ZNF653: variants seen among roughly 807,000 people sequenced by gnomAD.
ZNF653 encodes zinc finger protein 653.
A neutral mutation model predicts 59.9 loss-of-function variants in ZNF653; 37 were observed. The observed-to-expected ratio is 0.62, with a 90% CI of 0.48 to 0.81. ZNF653 has a LOEUF of 0.81. ZNF653 is among the 40% of genes least tolerant of loss of function. The probability of loss-of-function intolerance (pLI) is 0.00; values close to 1 mark genes in which losing one functional copy is unlikely to be tolerated. For synonymous variants in ZNF653, 435 were observed against 371.8 expected (o/e 1.17, Z -1.96); for missense variants, 808 against 881.1 (o/e 0.92, Z 1.05).
In ZNF653 at chr19:11,496,131, C is replaced by G. The variant is rs150131387; in HGVS notation, c.378G>C (p.Val126=). The change falls in exon 3 of 9, where the codon GTG becomes GTC. Residue 126 remains valine (V), a synonymous_variant. Coordinates refer to ENST00000293771, the MANE Select transcript of ZNF653 (RefSeq NM_138783.4). ...RRRNVNCLKN[V]VIWYEDHKHR... ...GCTTGTGGTCCTCGTACCAGATCAC[C>G]ACGTTCTTCAGGCAGTTCACGTTGC... 1.1e-4 allele frequency: 174 copies of G among 1,614,010 alleles called. No homozygotes were observed. The East Asian group carries it at 3.8e-3, about 35-fold the overall frequency.
Position 11,487,967 on chromosome 19 carries a change from T to TTTTTATTTTA in ZNF653, c.560-74_560-65dup. The TTTTTATTTTA allele has an allele frequency of 1.6e-6, 2 of 1,240,674 alleles. No individual in the cohort carries two copies. Among genetic ancestry groups the TTTTTATTTTA allele is most frequent in the Non-Finnish European group, 2.0e-6 (2 of 978,272 alleles). The allele number at this position is 1,240,674 out of a possible 1,614,324, so 76.9% of individuals were successfully genotyped here. On this transcript the variant is annotated intron_variant, in intron 3 of 8. Transcript: ENST00000293771. The surrounding 1 kb of genome is among the most constrained non-coding windows in gnomAD (Gnocchi z 5.1). ...CAGCCACTGGTATTTGTTTATTTAG[T>TTTTTATTTTA]TTTTATTTTATTTTATTTATTTATT...
chr19:11,505,320 G>A (rs769264156), intron 1 of ZNF653, 168 bp downstream of exon 1: 8 of 655,200 alleles, frequency 1.2e-5, no homozygotes, highest in African/African-American at 1.9e-5. Context: ...GGGGCCACGA[G>A]CCAGGCGCGT....
In ZNF653 at chr19:11,486,884, G is replaced by C. The variant is rs1344059844; in HGVS notation, c.1344-4C>G. On this transcript the variant is annotated splice_polypyrimidine_tract_variant and splice_region_variant and intron_variant, in intron 5 of 8. Transcript: ENST00000293771. The stretch of plus-strand genomic sequence containing the variant: ...CGACCGCTTGCTCCGCCGCCTCCTG[G>C]AGGGGAAGGGGCCATGACATCGGGG... 4.3e-6 allele frequency: 7 copies of C among 1,611,054 alleles called. No individual in the cohort carries two copies. The highest frequency in any genetic ancestry group is 5.9e-6 in the Non-Finnish European group (7 of 1,178,682).
intron 1 of ZNF653, among the ~76,000 whole-genome samples, chr19:11,499,395 G>T (rs372936765): frequency 2.6e-5 from 4 of 152,122 alleles, no homozygotes; most frequent in East Asian, 3.9e-4. Flanking sequence ...AACATATCTT[G>T]TAGGGCACAG....
Position 11,487,945 on chromosome 19 carries a change from C to T in ZNF653, c.560-42G>A, listed in dbSNP as rs1971487948. On this transcript the variant is annotated intron_variant, in intron 3 of 8. Coordinates refer to ENST00000293771, the MANE Select transcript of ZNF653 (RefSeq NM_138783.4). The surrounding 1 kb of genome is among the most constrained non-coding windows in gnomAD (Gnocchi z 5.1). ...AAGGGAGTGGTTATGATAGCTGCAG[C>T]CACTGGTATTTGTTTATTTAGTTTT... 4 of 1,462,900 alleles carry T rather than the reference C, an allele frequency of 2.7e-6. No individual in the cohort carries two copies. The highest frequency in any genetic ancestry group is 2.4e-5 in the East Asian group (1 of 41,100). 90.6% of individuals were successfully genotyped at this position (1,462,900 alleles called of 1,614,324 possible). A position where few individuals can be genotyped will look rare whatever the true frequency, so the allele number is the denominator to read the frequency against.
intron 1 of ZNF653, 67 bp downstream of exon 1, chr19:11,505,421 C>G (rs1000578949): frequency 1.9e-4 from 251 of 1,343,990 alleles, no homozygotes; most frequent in Non-Finnish European, 2.1e-4. Flanking sequence ...GCGGAGGGGG[C>G]GGGGTAAAGC....
At chr19:11,505,416 G>C (rs1044703510) in intron 1 of ZNF653, 72 bp downstream of exon 1, 2 of 1,340,308 alleles carry the variant, frequency 1.5e-6, no homozygotes, top group Admixed American at 4.1e-5. Context: ...TAGAAGCGGA[G>C]GGGGCGGGGT....
rs1971576881 is a variant in ZNF653, at chr19:11,495,492, T to C, written c.559+458A>G. ...CCTGGAAAGGCAGAAGGCAAGAGAATGCAACTGGGAGCCAGAGAAAATCGA... is the reference window on the plus strand; with the variant it reads ...CCTGGAAAGGCAGAAGGCAAGAGAACGCAACTGGGAGCCAGAGAAAATCGA... On this transcript the variant is annotated intron_variant, in intron 3 of 8. Coordinates refer to ENST00000293771, the MANE Select transcript of ZNF653 (RefSeq NM_138783.4). This position sits in a 1 kb window ranked among gnomAD's most constrained non-coding sequence, Gnocchi z 4.9. The C allele has an allele frequency of 1.1e-5, 2 of 183,858 alleles. No homozygotes were observed. The highest frequency in any genetic ancestry group is 9.9e-5 in the South Asian group (1 of 10,052). The allele number at this position is 183,858 out of a possible 1,614,324, so 11.4% of individuals were successfully genotyped here.
intron 3 of ZNF653, among the ~76,000 whole-genome samples, chr19:11,494,288 C>G (rs1971558928): frequency 6.6e-6 from 1 of 151,784 alleles, no homozygotes; most frequent in South Asian, 2.1e-4. Flanking sequence ...CACCACTGCA[C>G]TCCAGCTTGG....
chr19:11,498,519 T>C (rs1043170026), intron 1 of ZNF653, among the ~76,000 whole-genome samples, 180 bp from the exon 2 acceptor site: 3 of 152,072 alleles, frequency 2.0e-5, no homozygotes, highest in African/African-American at 4.8e-5. Context: ...TCTTGACTCA[T>C]TGCAGCCTTT....
intron 1 of ZNF653, among the ~76,000 whole-genome samples, chr19:11,500,213 C>T (rs1456184061): frequency 1.3e-5 from 2 of 152,170 alleles, no homozygotes; most frequent in Non-Finnish European, 2.9e-5. Flanking sequence ...TGGGGATCTT[C>T]CATCTTTCCT....
Position 11,489,916 on chromosome 19 carries a change from T to C in ZNF653, c.560-2013A>G, listed in dbSNP as rs147723420. On this transcript the variant is annotated intron_variant, in intron 3 of 8. Transcript: ENST00000293771. ...CTCAGCGCTCACCTTACCCCCAGGCTTGCCCAGGCTAATGGGGTTAAAGGC... is the reference window on the plus strand; with the variant it reads ...CTCAGCGCTCACCTTACCCCCAGGCCTGCCCAGGCTAATGGGGTTAAAGGC... Among the ~76,000 whole-genome samples, 1,155 of 152,340 alleles carry C rather than the reference T, an allele frequency of 7.6e-3. 8 individuals are homozygous for C. Among genetic ancestry groups the C allele is most frequent in the Admixed American group, 0.01 (159 of 15,304 alleles).
chr19:11,493,169 TGCCTCA>T (rs1332489209), intron 3 of ZNF653, among the ~76,000 whole-genome samples: 1 of 151,890 alleles, frequency 6.6e-6, no homozygotes, highest in East Asian at 1.9e-4. Flanking sequence ...GTGATTCTCC[TGCCTCA>T]GCCTCCCAAG....
rs753442536 is a variant in ZNF653 at position 11,486,970 on chromosome 19, C to T, written c.1343+17G>A. Reference sequence around the variant, plus strand: ...CTTCTAGCCCTCGCCCTCACCCTTGCCCGCCCCGGCACCCACTTCTCAGGC... The same window carrying T: ...CTTCTAGCCCTCGCCCTCACCCTTGTCCGCCCCGGCACCCACTTCTCAGGC... On this transcript the variant is annotated intron_variant, in intron 5 of 8. Coordinates refer to ENST00000293771, the MANE Select transcript of ZNF653 (RefSeq NM_138783.4). 3.7e-6 allele frequency: 6 copies of T among 1,612,570 alleles called. No homozygotes were observed. The highest frequency in any genetic ancestry group is 1.1e-5 in the South Asian group (1 of 90,856).
chr19:11,498,252 G>A (rs986430646), intron 2 of ZNF653, 44 bp downstream of exon 2: 7 of 1,612,710 alleles, frequency 4.3e-6, no homozygotes, highest in Non-Finnish European at 5.1e-6. Flanking sequence ...TATTCCCACC[G>A]CTCCCAACTC....
rs755454950 is a variant in ZNF653, at chr19:11,498,306, C to G, written c.333G>C (p.Lys111Asn). Reference protein sequence around the residue: ...KPWEQVPKKPKRKKRRRRNVN... With the variant: ...KPWEQVPKKPNRKKRRRRNVN... Reference sequence around the variant, plus strand: ...TGAGCCTCCACTTACTTTTCTTCCGCTTTGGCTTTTTGGGGACCTGCTCCC... The same window carrying G: ...TGAGCCTCCACTTACTTTTCTTCCGGTTTGGCTTTTTGGGGACCTGCTCCC... The change falls in exon 2 of 9, where the codon AAG (lysine) becomes AAC (asparagine). Residue 111 changes from lysine (K) to asparagine (N), a missense_variant. Physicochemically the swap from Lys to Asn is moderately conservative, Grantham distance 94 (BLOSUM62 0). Transcript: ENST00000293771. 1 of 1,614,144 alleles carries G rather than the reference C, an allele frequency of 6.2e-7. No individual in the cohort carries two copies. Among genetic ancestry groups the G allele is most frequent in the South Asian group, 1.1e-5 (1 of 91,088 alleles).
chr19:11,500,734 C>G (rs1971635895), intron 1 of ZNF653: 1 of 152,190 alleles, frequency 6.6e-6, no homozygotes, highest in Non-Finnish European at 1.5e-5. Flanking sequence ...ATCAGCCAGA[C>G]CCAAGTTCAA....
intron 7 of ZNF653, among the ~76,000 whole-genome samples, chr19:11,484,964 T>C (rs778306161): frequency 3.1e-4 from 47 of 151,148 alleles, no homozygotes; most frequent in Non-Finnish European, 4.3e-4. Flanking sequence ...GCAGAAGAAT[T>C]GCTTGAACCC....
chr19:11,491,541 A>G (rs1457935443), intron 3 of ZNF653, among the ~76,000 whole-genome samples: 1 of 151,624 alleles, frequency 6.6e-6, no homozygotes, highest in Non-Finnish European at 1.5e-5. Flanking sequence ...GAGACACTAG[A>G]TAGGTTCCTG....
Sources: gnomAD v4.1 joint callset for allele counts (sites outside exome capture counted in the v4.1 genomes callset) on GRCh38, gnomAD v4.1.1 for gene constraint, Gnocchi (gnomAD v3.1) non-coding constraint, MANE v1.5 for transcripts, NCBI Gene and HGNC (gene_info 2026-07-23, HGNC 2026-07-21) for gene names.